The following ADAMTS16 variants were observed in gnomAD, a reference collection of about 807,000 sequenced individuals.
ADAMTS16 encodes A disintegrin and metalloproteinase with thrombospondin motifs 16.
A neutral mutation model predicts 145.8 loss-of-function variants in ADAMTS16; 94 were observed. The observed-to-expected ratio is 0.64, with a 90% CI of 0.55 to 0.77. The LOEUF is 0.77. ADAMTS16 is among the 30% of genes least tolerant of loss of function. ADAMTS16 has a pLI of 0.00. For synonymous variants in ADAMTS16, 659 were observed against 604.3 expected (o/e 1.09, Z -1.33); for missense variants, 1,585 against 1,591.5 (o/e 1.00, Z 0.07).
chr5:5,222,441 G>C (rs1216261156), intron 10 of ADAMTS16, among the ~76,000 whole-genome samples: 1 of 152,018 alleles, frequency 6.6e-6, no homozygotes, highest in African/African-American at 2.4e-5. Context: ...GGTTGAGAAG[G>C]ATACATTATG....
Position 5,269,898 on chromosome 5 carries a change from G to A in ADAMTS16, c.2789+7115G>A, listed in dbSNP as rs1738398942. On this transcript the variant is annotated intron_variant, in intron 18 of 22. Transcript: ENST00000274181. This position sits in a 1 kb window ranked among gnomAD's most constrained non-coding sequence, Gnocchi z 4.3. Reference sequence around the variant, plus strand: ...CTGGAAGAAAAGGTGCAGTTCAGCAGCAGAGGGCCAGTCTAGGGGAAGCTG... The same window carrying A: ...CTGGAAGAAAAGGTGCAGTTCAGCAACAGAGGGCCAGTCTAGGGGAAGCTG... 6.6e-6 allele frequency among the ~76,000 whole-genome samples: 1 copy of A among 152,188 alleles called. No homozygotes were observed. Among genetic ancestry groups the A allele is most frequent in the Admixed American group, 6.5e-5 (1 of 15,282 alleles).
At chr5:5,318,902 C>A in intron 22 of ADAMTS16, 121 bp from the exon 23 acceptor site, 1 of 703,536 alleles carries the variant, frequency 1.4e-6, no homozygotes, top group South Asian at 1.7e-5. Context: ...TGGGGGCTGC[C>A]TCTCTGCAGC....
chr5:5,172,807 CTTGATAATGGGCA>C (rs201965635), intron 3 of ADAMTS16, among the ~76,000 whole-genome samples: 2,736 of 152,192 alleles, frequency 0.018, 34 homozygotes, highest in Non-Finnish European at 0.029. Context: ...GATTTTCTGT[CTTGATAATGGGCA>C]TTGAAATCTC....
At chr5:5,143,983 G>C (rs1734230732) in intron 2 of ADAMTS16, among the ~76,000 whole-genome samples, 1 of 149,402 alleles carries the variant, frequency 6.7e-6, no homozygotes, top group Non-Finnish European at 1.5e-5. Flanking sequence ...TTGTTGGGGG[G>C]TGAGGGGCAA....
intron 3 of ADAMTS16, among the ~76,000 whole-genome samples, chr5:5,148,837 CA>C (rs1734369651): frequency 6.6e-6 from 1 of 152,134 alleles, no homozygotes; most frequent in South Asian, 2.1e-4. Flanking sequence ...AGGACACAGG[CA>C]AGTCCCTTAC....
rs1304236043 is a variant in ADAMTS16, at chr5:5,319,925, T to C, written c.*787T>C. On this transcript the variant is annotated 3_prime_UTR_variant, in exon 23 of 23. Coordinates refer to ENST00000274181, the MANE Select transcript of ADAMTS16 (RefSeq NM_139056.4). ...GTCCTTTTAAAAACACACTTCTTCA[T>C]GCTTTTCTTTGTAAATGACAGATCG... 2.2e-6 allele frequency: 1 copy of C among 455,232 alleles called. No homozygotes were observed. The highest frequency in any genetic ancestry group is 6.9e-5 in the East Asian group (1 of 14,412). 28.2% of individuals were successfully genotyped at this position (455,232 alleles called of 1,614,324 possible). A position where few individuals can be genotyped will look rare whatever the true frequency, so the allele number is the denominator to read the frequency against.
At chr5:5,159,441 C>T (rs1026587382) in intron 3 of ADAMTS16, among the ~76,000 whole-genome samples, 7 of 152,116 alleles carry the variant, frequency 4.6e-5, no homozygotes, top group Non-Finnish European at 8.8e-5. Context: ...ATATGAAAGC[C>T]CTTAATACAG....
chr5:5,184,270 C>A (rs1286563238), intron 4 of ADAMTS16, among the ~76,000 whole-genome samples: 1 of 151,956 alleles, frequency 6.6e-6, no homozygotes, highest in Non-Finnish European at 1.5e-5. Context: ...CCTCGTGTCA[C>A]CTGTGCATGG....
At chr5:5,208,723 C>A (rs1244409087) in intron 9 of ADAMTS16, among the ~76,000 whole-genome samples, 2 of 152,094 alleles carry the variant, frequency 1.3e-5, no homozygotes, top group African/African-American at 4.8e-5. Flanking sequence ...TTTTATAATG[C>A]CCATCTTTTG....
intron 2 of ADAMTS16, chr5:5,142,442 C>T (rs1734193179): frequency 6.6e-6 from 1 of 152,278 alleles, no homozygotes; most frequent in Non-Finnish European, 1.5e-5. Flanking sequence ...CCCTCCTCCC[C>T]TACCTTCTAT....
At chr5:5,189,201 T>C (rs1197739617) in intron 6 of ADAMTS16, among the ~76,000 whole-genome samples, 1 of 152,188 alleles carries the variant, frequency 6.6e-6, no homozygotes, top group African/African-American at 2.4e-5. Context: ...CCTGGTGTTG[T>C]CCCACCAGCC....
At chr5:5,292,185 C>T (rs1011887714) in intron 18 of ADAMTS16, among the ~76,000 whole-genome samples, 47 of 152,298 alleles carry the variant, frequency 3.1e-4, no homozygotes, top group African/African-American at 1.1e-3. Flanking sequence ...ATTCTGCAGT[C>T]GCAGTGATCT....
chr5:5,278,469 CTTA>C (rs940351062), intron 18 of ADAMTS16, among the ~76,000 whole-genome samples: 3 of 152,152 alleles, frequency 2.0e-5, no homozygotes, highest in Admixed American at 6.5e-5. Flanking sequence ...GTCATCACTC[CTTA>C]TTATTGTTGC....
chr5:5,206,702 G>C (rs774782884), intron 9 of ADAMTS16, among the ~76,000 whole-genome samples: 1 of 151,792 alleles, frequency 6.6e-6, no homozygotes, highest in African/African-American at 2.4e-5. Flanking sequence ...GGCTGGTCTC[G>C]AACTCCCGAC....
chr5:5,190,576 G>A (rs1045988333), intron 7 of ADAMTS16, among the ~76,000 whole-genome samples: 3 of 151,976 alleles, frequency 2.0e-5, no homozygotes, highest in South Asian at 4.2e-4. Flanking sequence ...ACGGGGCTGG[G>A]TGTGACTTGT....
intron 3 of ADAMTS16, among the ~76,000 whole-genome samples, chr5:5,150,121 T>C (rs1334397409): frequency 1.3e-5 from 2 of 152,240 alleles, no homozygotes; most frequent in East Asian, 1.9e-4. Flanking sequence ...CCATTTTTCA[T>C]ATTAGCTGTA....
intron 6 of ADAMTS16, among the ~76,000 whole-genome samples, chr5:5,189,277 G>A (rs1198833856): frequency 6.6e-6 from 1 of 152,186 alleles, no homozygotes; most frequent in African/African-American, 2.4e-5. Context: ...TCTGATGCAT[G>A]TTCTTCTGTG....
chr5:5,197,686 T>A (rs1735844706), intron 8 of ADAMTS16, among the ~76,000 whole-genome samples: 1 of 152,248 alleles, frequency 6.6e-6, no homozygotes, highest in South Asian at 2.1e-4. Context: ...AGCAACCTTA[T>A]CTTCAAAATG....
At chr5:5,190,178 C>T (rs1306564811) in intron 7 of ADAMTS16, 48 bp downstream of exon 7, 2 of 1,506,138 alleles carry the variant, frequency 1.3e-6, no homozygotes, top group African/African-American at 1.4e-5. Context: ...AATGTGCACC[C>T]CTGGCCGTGA....
Sources: allele counts gnomAD v4.1 joint callset (sites outside exome capture counted in the v4.1 genomes callset), GRCh38; gene constraint gnomAD v4.1.1; non-coding constraint Gnocchi (gnomAD v3.1); transcripts MANE v1.5; gene names NCBI Gene and HGNC (gene_info 2026-07-23, HGNC 2026-07-21).